PLXNC1: variants seen among roughly 807,000 people sequenced by gnomAD.
PLXNC1 encodes plexin-C1.
Under a neutral mutation model 178.2 loss-of-function variants are expected in PLXNC1, and 75 were observed. That is an observed-to-expected ratio of 0.42 (90% CI 0.35 to 0.51). The LOEUF is 0.51. PLXNC1 is among the 20% of genes least tolerant of loss of function. The probability of loss-of-function intolerance (pLI) is 0.02; values close to 1 mark genes in which losing one functional copy is unlikely to be tolerated. For missense variants in PLXNC1, 1,503 were observed against 1,984.4 expected, an observed-to-expected ratio of 0.76 and a Z score of 4.61; for synonymous variants, 790 against 779.9, an observed-to-expected ratio of 1.01 and a Z score of -0.22.
At chr12:94,236,913 T>G (rs1296811192) in intron 9 of PLXNC1, among the ~76,000 whole-genome samples, 1 of 152,180 alleles carries the variant, frequency 6.6e-6, no homozygotes, top group African/African-American at 2.4e-5. Flanking sequence ...AAGGGCTTTT[T>G]TTTTAAAGGG....
chr12:94,156,416 C>T (rs892426017), intron 1 of PLXNC1, among the ~76,000 whole-genome samples: 6 of 151,960 alleles, frequency 3.9e-5, no homozygotes, highest in African/African-American at 2.4e-5. Flanking sequence ...TCTGCTTCCT[C>T]AAACATCTAC....
intron 21 of PLXNC1, among the ~76,000 whole-genome samples, chr12:94,266,416 G>C (rs1965247230): frequency 6.6e-6 from 1 of 152,220 alleles, no homozygotes; most frequent in African/African-American, 2.4e-5. Context: ...AGGCCGGAGA[G>C]TGGGCTGCAT....
intron 5 of PLXNC1, among the ~76,000 whole-genome samples, chr12:94,213,122 G>A (rs1205187595): frequency 6.6e-6 from 1 of 152,200 alleles, no homozygotes; most frequent in African/African-American, 2.4e-5. Context: ...ACATGTGCAT[G>A]TGTCTTTATA....
chr12:94,298,987 C>G (rs1230835250), intron 27 of PLXNC1, among the ~76,000 whole-genome samples, 192 bp downstream of exon 27: 1 of 152,114 alleles, frequency 6.6e-6, no homozygotes, highest in Non-Finnish European at 1.5e-5. Flanking sequence ...CATTCCTATG[C>G]CAAGAATCCT....
intron 22 of PLXNC1, chr12:94,280,040 T>C (rs1966320073): frequency 2.8e-6 from 1 of 356,688 alleles, no homozygotes. Flanking sequence ...GTTGTGATAC[T>C]GAGCGTGTCA....
chr12:94,159,153 AGAC>A (rs1221908462), intron 1 of PLXNC1, among the ~76,000 whole-genome samples: 27 of 152,370 alleles, frequency 1.8e-4, no homozygotes, highest in Admixed American at 2.6e-4. Flanking sequence ...TAAATAGGGT[AGAC>A]AATAAACATT....
rs570565200 is a variant in PLXNC1, at chr12:94,148,960, C to G, written c.-12C>G. The G allele has an allele frequency of 3.5e-6, 4 of 1,140,000 alleles. No homozygotes were observed. The African/African-American group carries it at 4.9e-5, about 14-fold the overall frequency. The allele number at this position is 1,140,000 out of a possible 1,614,324, so 70.6% of individuals were successfully genotyped here. ...GCCGCGCGCCCTGCCCGGGGGCGGC[C>G]CCCCCAGCCCCATGGAGGTCTCCCG... On this transcript the variant is annotated 5_prime_UTR_variant, in exon 1 of 31. Transcript: ENST00000258526. The surrounding 1 kb of genome is among the most constrained non-coding windows in gnomAD (Gnocchi z 4.8).
chr12:94,225,722 G>C (rs573443289), intron 7 of PLXNC1, among the ~76,000 whole-genome samples: 2 of 152,116 alleles, frequency 1.3e-5, no homozygotes, highest in Admixed American at 1.3e-4. Context: ...CTTTCCATAG[G>C]TAACTGCTTC....
intron 1 of PLXNC1, chr12:94,157,996 G>A (rs907111176): frequency 6.6e-6 from 1 of 152,172 alleles, no homozygotes; most frequent in African/African-American, 2.4e-5. Context: ...GCTATTCTTA[G>A]CTCATGGGCC....
chr12:94,258,059 A>G (rs1406671739), intron 17 of PLXNC1, among the ~76,000 whole-genome samples: 1 of 150,126 alleles, frequency 6.7e-6, no homozygotes. Flanking sequence ...CCCGGGAGGC[A>G]GAGGTTGCCG....
At chr12:94,218,311 T>C (rs977625786) in intron 5 of PLXNC1, among the ~76,000 whole-genome samples, 4 of 152,206 alleles carry the variant, frequency 2.6e-5, no homozygotes, top group African/African-American at 9.6e-5. Context: ...AATGGGAAGA[T>C]AGGGGTGACC....
Position 94,194,933 on chromosome 12 carries a change from C to T in PLXNC1, c.1439+8460C>T, listed in dbSNP as rs190087101. On this transcript the variant is annotated intron_variant, in intron 4 of 30. Transcript: ENST00000258526. ...TCCCTGAGGTTGGGAAAGGCTTCAA[C>T]GAGGAGGTGGCCTTAAAATTGGCCT... Among the ~76,000 whole-genome samples the T allele has an allele frequency of 1.4e-3, 207 of 152,246 alleles. 3 individuals carry two copies. The highest frequency in any genetic ancestry group is 4.7e-3 in the African/African-American group (195 of 41,532).
At chr12:94,196,902 A>G (rs1962936832) in intron 4 of PLXNC1, among the ~76,000 whole-genome samples, 1 of 152,254 alleles carries the variant, frequency 6.6e-6, no homozygotes, top group Non-Finnish European at 1.5e-5. Flanking sequence ...CTGCAGAAAC[A>G]AATTCCCACA....
chr12:94,261,063 A>G (rs1964976289), intron 20 of PLXNC1, among the ~76,000 whole-genome samples: 1 of 152,208 alleles, frequency 6.6e-6, no homozygotes, highest in South Asian at 2.1e-4. Flanking sequence ...TCGTCAGGTG[A>G]GACTTTTCAG....
intron 24 of PLXNC1, among the ~76,000 whole-genome samples, chr12:94,295,014 G>A (rs1015710024): frequency 2.0e-5 from 3 of 152,206 alleles, no homozygotes; most frequent in Non-Finnish European, 4.4e-5. Flanking sequence ...AACTAAAGGG[G>A]GAACTTTTAT....
In PLXNC1 at chr12:94,274,090, G is replaced by A. The variant is rs1023596110; in HGVS notation, c.3598-5382G>A. ...AATCCCAGCACTTTGGGAAGCCAAGGTGGGAGGATCACTTGAGCTCAGGAG... is the reference window on the plus strand; with the variant it reads ...AATCCCAGCACTTTGGGAAGCCAAGATGGGAGGATCACTTGAGCTCAGGAG... On this transcript the variant is annotated intron_variant, in intron 21 of 30. Transcript: ENST00000258526. Among the ~76,000 whole-genome samples, 8 of 146,934 alleles carry A rather than the reference G, an allele frequency of 5.4e-5. 1 individual carries two copies. The South Asian group carries it at 1.7e-3, about 32-fold the overall frequency.
intron 3 of PLXNC1, among the ~76,000 whole-genome samples, chr12:94,185,744 C>T (rs1962485273): frequency 6.6e-6 from 1 of 152,248 alleles, no homozygotes; most frequent in Non-Finnish European, 1.5e-5. Flanking sequence ...GTCCCTGGTC[C>T]TCCTCGTTTC....
intron 28 of PLXNC1, among the ~76,000 whole-genome samples, chr12:94,301,913 A>C (rs1028326712): frequency 6.6e-6 from 1 of 151,994 alleles, no homozygotes; most frequent in Non-Finnish European, 1.5e-5. Flanking sequence ...ATTGGTTACC[A>C]CTTACTTCTG....
rs1467090784 is a variant in PLXNC1, at chr12:94,304,008, C to T, written c.4559C>T (p.Ala1520Val). The change falls in exon 30 of 31, where the codon GCC (alanine) becomes GTC (valine). Residue 1520 changes from alanine to valine, a missense_variant. This residue lies in a region of PLXNC1 where 639 missense variants were observed against 979.7 expected (regional missense o/e 0.65). Coordinates refer to ENST00000258526, the MANE Select transcript of PLXNC1 (RefSeq NM_005761.3). ...GAAAATGAATTTAATGAAGAAGTGGCCTTGACAGAAATTTACAAATACATC... is the reference window on the plus strand; with the variant it reads ...GAAAATGAATTTAATGAAGAAGTGGTCTTGACAGAAATTTACAAATACATC... ...KHENEFNEEV[A>V]LTEIYKYIVK... is the part of the protein sequence containing the mutation. The T allele has an allele frequency of 6.9e-6, 11 of 1,591,960 alleles. No individual in the cohort carries two copies. In the Admixed American group the frequency reaches 1.7e-4, roughly 24 times the overall value.
Sources: allele counts gnomAD v4.1 joint callset (sites outside exome capture counted in the v4.1 genomes callset), GRCh38; gene constraint gnomAD v4.1.1; regional missense constraint gnomAD v4.1.1; non-coding constraint Gnocchi (gnomAD v3.1); transcripts MANE v1.5; gene names NCBI Gene and HGNC (gene_info 2026-07-23, HGNC 2026-07-21).